Variants in CACNA2D3 observed in about 807,000 individuals in gnomAD.
The protein encoded by CACNA2D3 is voltage-dependent calcium channel subunit alpha-2/delta-3.
Under a neutral mutation model 160.6 loss-of-function variants are expected in CACNA2D3, and 60 were observed. That is an observed-to-expected ratio of 0.37 (90% CI 0.30 to 0.46). CACNA2D3 has a LOEUF of 0.46. Ranked by LOEUF, CACNA2D3 falls within the 20% of genes least tolerant of loss-of-function variation. The probability of loss-of-function intolerance (pLI) is 1.00; values close to 1 mark genes in which losing one functional copy is unlikely to be tolerated. For synonymous variants in CACNA2D3, 558 were observed against 492.9 expected (o/e 1.13, Z -1.75); for missense variants, 1,205 against 1,365.0 (o/e 0.88, Z 1.85).
At chr3:54,950,177 C>T (rs531526834) in intron 27 of CACNA2D3, among the ~76,000 whole-genome samples, 4 of 152,288 alleles carry the variant, frequency 2.6e-5, no homozygotes, top group African/African-American at 9.6e-5. Flanking sequence ...TCCATACAGC[C>T]GAGGTAGCTT....
chr3:54,925,006 C>G, intron 27 of CACNA2D3: 1 of 1,614,090 alleles, frequency 6.2e-7, no homozygotes, highest in African/African-American at 1.3e-5. Flanking sequence ...AGCCATGGCA[C>G]TGACCTAAAT....
At chr3:54,836,965 C>T (rs1698704169) in intron 14 of CACNA2D3, among the ~76,000 whole-genome samples, 194 bp from the exon 15 acceptor site, 4 of 152,184 alleles carry the variant, frequency 2.6e-5, no homozygotes, top group Admixed American at 2.6e-4. Flanking sequence ...ATTTGTTTCC[C>T]CAGCTGGGGG....
At chr3:54,333,934 T>C (rs1704321946) in intron 3 of CACNA2D3, among the ~76,000 whole-genome samples, 1 of 152,220 alleles carries the variant, frequency 6.6e-6, no homozygotes, top group Non-Finnish European at 1.5e-5. Flanking sequence ...ATTTGCTCAC[T>C]TTCAGCAATG....
intron 17 of CACNA2D3, among the ~76,000 whole-genome samples, chr3:54,853,756 G>A (rs550384044): frequency 6.6e-6 from 1 of 152,130 alleles, no homozygotes; most frequent in Admixed American, 6.5e-5. Flanking sequence ...AGAGGAGGTG[G>A]GGGAGGACTG....
intron 27 of CACNA2D3, among the ~76,000 whole-genome samples, chr3:54,958,902 G>A (rs1213459310): frequency 1.3e-5 from 2 of 152,016 alleles, no homozygotes; most frequent in African/African-American, 2.4e-5. Flanking sequence ...CCAGGAGTTT[G>A]AGACCAGCCT....
At chr3:54,491,996 A>G (rs1317818014) in intron 4 of CACNA2D3, among the ~76,000 whole-genome samples, 2 of 152,184 alleles carry the variant, frequency 1.3e-5, no homozygotes, top group African/African-American at 4.8e-5. Context: ...GAGGGCACGC[A>G]AACATAGCCT....
chr3:54,281,636 C>T (rs993261483), intron 2 of CACNA2D3, among the ~76,000 whole-genome samples: 4 of 152,120 alleles, frequency 2.6e-5, no homozygotes, highest in African/African-American at 9.7e-5. Flanking sequence ...CCAGTTGGTG[C>T]GGTTATGTTT....
At chr3:54,255,301 T>C (rs570293678) in intron 2 of CACNA2D3, among the ~76,000 whole-genome samples, 3 of 152,186 alleles carry the variant, frequency 2.0e-5, no homozygotes, top group Non-Finnish European at 2.9e-5. Flanking sequence ...AGGCATCTTA[T>C]AGAGCTTTGA....
chr3:54,184,650 A>T (rs1460310148), intron 2 of CACNA2D3, among the ~76,000 whole-genome samples: 2 of 152,176 alleles, frequency 1.3e-5, no homozygotes, highest in Non-Finnish European at 2.9e-5. Flanking sequence ...TTTATGGTTT[A>T]TGTGGGTTAT....
chr3:54,345,252 C>T (rs1171241000), intron 3 of CACNA2D3, among the ~76,000 whole-genome samples: 1 of 152,238 alleles, frequency 6.6e-6, no homozygotes, highest in African/African-American at 2.4e-5. Flanking sequence ...CAAGAACCCT[C>T]TGCTGGGGTC....
intron 9 of CACNA2D3, chr3:54,626,314 C>G (rs1052621693): frequency 1.3e-6 from 2 of 1,550,626 alleles, no homozygotes; most frequent in Non-Finnish European, 1.7e-6. Context: ...GCGGCTGATG[C>G]CGCTGTACAG....
chr3:54,264,515 G>A (rs1702466055), intron 2 of CACNA2D3, among the ~76,000 whole-genome samples: 1 of 152,148 alleles, frequency 6.6e-6, no homozygotes, highest in African/African-American at 2.4e-5. Flanking sequence ...TAATCTTCCA[G>A]CTTAGCACTG....
intron 35 of CACNA2D3, among the ~76,000 whole-genome samples, chr3:55,070,886 A>G (rs894057388): frequency 3.9e-5 from 6 of 152,164 alleles, no homozygotes; most frequent in African/African-American, 4.8e-5. Context: ...AATCAGTACT[A>G]TAGGTTCTTT....
At chr3:54,447,787 G>A (rs1559483468) in intron 4 of CACNA2D3, among the ~76,000 whole-genome samples, 2 of 152,342 alleles carry the variant, frequency 1.3e-5, no homozygotes, top group South Asian at 4.1e-4. Flanking sequence ...GACGTGTATT[G>A]CTGTGAGCCA....
At chr3:54,422,120 G>T (rs56925856) in intron 4 of CACNA2D3, among the ~76,000 whole-genome samples, 1 of 152,208 alleles carries the variant, frequency 6.6e-6, no homozygotes. Flanking sequence ...TGGAGAAAAC[G>T]AGCCCTGCTT....
At chr3:54,150,224 AG>A (rs1700122619) in intron 2 of CACNA2D3, among the ~76,000 whole-genome samples, 1 of 152,046 alleles carries the variant, frequency 6.6e-6, no homozygotes. Context: ...TTTAGGATGC[AG>A]TTTACCTGCT....
intron 35 of CACNA2D3, among the ~76,000 whole-genome samples, chr3:55,043,101 T>C (rs948544996): frequency 1.3e-5 from 2 of 152,188 alleles, no homozygotes; most frequent in Non-Finnish European, 2.9e-5. Context: ...CATAAGGTTG[T>C]CATTTCACCT....
intron 16 of CACNA2D3, among the ~76,000 whole-genome samples, chr3:54,843,295 G>A: frequency 6.6e-6 from 1 of 152,198 alleles, no homozygotes; most frequent in East Asian, 1.9e-4. Flanking sequence ...AGTAAACATA[G>A]TGATGATGGT....
chr3:54,887,994 G>A lies in CACNA2D3; in HGVS notation c.2092G>A (p.Ala698Thr), dbSNP rs201776558. ...ATTGATCCAAGAAGTCCTTTTTGAC[G>A]CGGTGGTGAGTGCCCCCATTGAAGC... ...KELIQEVLFD[A>T]VVSAPIEAYW... Residue 698 changes from alanine (A) to threonine (T), a missense_variant, in exon 24 of 38, where the codon GCG becomes ACG. Physicochemically the swap from Ala to Thr is moderately conservative, Grantham distance 58 (BLOSUM62 0). Coordinates refer to ENST00000474759, the MANE Select transcript of CACNA2D3 (RefSeq NM_018398.3). The A allele has an allele frequency of 1.2e-4, 186 of 1,613,884 alleles. No homozygotes were observed. Among genetic ancestry groups the A allele is most frequent in the Middle Eastern group, 3.3e-4 (2 of 6,062 alleles).
Sources: allele counts gnomAD v4.1 joint callset (sites outside exome capture counted in the v4.1 genomes callset), GRCh38; gene constraint gnomAD v4.1.1; transcripts MANE v1.5; gene names NCBI Gene and HGNC (gene_info 2026-07-23, HGNC 2026-07-21).